MMUT: variants seen among roughly 807,000 people sequenced by gnomAD.
The protein encoded by MMUT is methylmalonyl-CoA mutase.
MMUT carries 79 observed loss-of-function variants against 79.9 expected under a neutral mutation model. The ratio of observed to expected loss-of-function variants is 0.99; its 90% CI spans 0.82 to 1.19. The LOEUF is 1.19. Ranked by LOEUF, MMUT falls within the 50% of genes most tolerant of loss-of-function variation. The probability of loss-of-function intolerance (pLI) is 0.00; values close to 1 mark genes in which losing one functional copy is unlikely to be tolerated. For missense variants in MMUT, 860 were observed against 917.2 expected (o/e 0.94, Z 0.81); for synonymous variants, 273 against 295.7 (o/e 0.92, Z 0.79).
chr6:49,448,645 T>C (rs899825221), intron 7 of MMUT, among the ~76,000 whole-genome samples, 171 bp downstream of exon 7: 1 of 152,162 alleles, frequency 6.6e-6, no homozygotes, highest in Non-Finnish European at 1.5e-5. Flanking sequence ...CCTGTGTGCA[T>C]CCATGTATGT....
In MMUT at chr6:49,440,226, C is replaced by T; in HGVS notation, c.1936G>A (p.Asp646Asn). ...TGFADLGFDV[D>N]IGPLFQTPRE... ...AGTACCTGGAAAAGAGGGCCTATGT[C>T]CACATCAAAACCAAGATCAGCAAAT... Residue 646 changes from aspartate to asparagine, a missense_variant, in exon 11 of 13, where the codon GAC (aspartate) becomes AAC (asparagine). By Grantham distance (23) the Asp-to-Asn change is conservative (BLOSUM62 1). Coordinates refer to ENST00000274813, the MANE Select transcript of MMUT (RefSeq NM_000255.4). 1 of 1,614,042 alleles carries T rather than the reference C, an allele frequency of 6.2e-7. No homozygotes were observed. Among genetic ancestry groups the T allele is most frequent in the Non-Finnish European group, 8.5e-7 (1 of 1,179,950 alleles).
At position 49,463,247 on chromosome 6, in the gene MMUT, C is replaced by T. The variant is rs1424542108; in HGVS notation, c.-184G>A. 1 of 152,518 alleles carries T rather than the reference C, an allele frequency of 6.6e-6. No individual in the cohort carries two copies. The highest frequency in any genetic ancestry group is 1.5e-5 in the Non-Finnish European group (1 of 68,194). The allele number at this position is 152,518 out of a possible 1,614,324, so 9.4% of individuals were successfully genotyped here. A position where few individuals can be genotyped will look rare whatever the true frequency, so the allele number is the denominator to read the frequency against. On this transcript the variant is annotated 5_prime_UTR_variant, in exon 1 of 13. Transcript: ENST00000274813. ...CGCGCCACCGCCAGCGTCAGCCGGACGACTCTGGGGGCGTAGGCCGACACC... is the reference window on the plus strand; with the variant it reads ...CGCGCCACCGCCAGCGTCAGCCGGATGACTCTGGGGGCGTAGGCCGACACC...
chr6:49,461,111 CA>C (rs1362056155), intron 1 of MMUT, among the ~76,000 whole-genome samples: 3 of 152,058 alleles, frequency 2.0e-5, no homozygotes, highest in Admixed American at 6.5e-5. Flanking sequence ...ATGTAGTTAT[CA>C]AAATATGTTT....
chr6:49,440,371 A>G lies in MMUT; in HGVS notation c.1809-18T>C. 1 of 1,612,160 alleles carries G rather than the reference A, an allele frequency of 6.2e-7. No individual in the cohort carries two copies. ...TATGAACCCTGAAAAACATTTAAAAATATATCAGTAGTTAGATACTAATTT... is the reference window on the plus strand; with the variant it reads ...TATGAACCCTGAAAAACATTTAAAAGTATATCAGTAGTTAGATACTAATTT... On this transcript the variant is annotated intron_variant, in intron 10 of 12. Coordinates refer to ENST00000274813, the MANE Select transcript of MMUT (RefSeq NM_000255.4).
intron 6 of MMUT, among the ~76,000 whole-genome samples, chr6:49,450,199 C>T (rs1218181400): frequency 1.3e-5 from 2 of 149,850 alleles, no homozygotes; most frequent in Admixed American, 1.3e-4. Context: ...CCACTGCACT[C>T]CAGCCTGGTG....
chr6:49,440,121 CAATG>C, intron 11 of MMUT, 81 bp downstream of exon 11: 3 of 1,536,790 alleles, frequency 2.0e-6, no homozygotes, highest in Non-Finnish European at 2.7e-6. Context: ...TTAATTTGCT[CAATG>C]TCTGTCATCA....
rs1484140899 is a variant in MMUT at position 49,457,941 on chromosome 6, T to C, written c.503A>G (p.Glu168Gly). 2 of 1,612,806 alleles carry C rather than the reference T, an allele frequency of 1.2e-6. No individual in the cohort carries two copies. Among genetic ancestry groups the C allele is most frequent in the Admixed American group, 3.3e-5 (2 of 60,006 alleles). The change falls in exon 3 of 13, where the codon GAA becomes GGA. Residue 168 changes from glutamate (E) to glycine (G), a missense_variant. Coordinates refer to ENST00000274813, the MANE Select transcript of MMUT (RefSeq NM_000255.4). ...GMAGVAIDTV[E>G]DTKILFDGIP... The stretch of plus-strand genomic sequence containing the variant: ...TCCATCAAAAAGAATTTTGGTATCT[T>C]CCACAGTGTCAATAGCAACTCCAGC...
At chr6:49,437,969 TTATAG>T (rs1351011235) in intron 11 of MMUT, among the ~76,000 whole-genome samples, 2 of 152,094 alleles carry the variant, frequency 1.3e-5, no homozygotes, top group Non-Finnish European at 2.9e-5. Context: ...TATACTATAG[TTATAG>T]TATAGTATAA....
At position 49,453,043 on chromosome 6, in the gene MMUT, T is replaced by G. The variant is rs565710323; in HGVS notation, c.1083+542A>C. On this transcript the variant is annotated intron_variant, in intron 5 of 12. Coordinates refer to ENST00000274813, the MANE Select transcript of MMUT (RefSeq NM_000255.4). ...TTCTGTTTTCTTTCTTTCTTTGTTT[T>G]TTTTTTTTTTTTTTTTAGACGTAGT... 3.0e-3 allele frequency among the ~76,000 whole-genome samples: 412 copies of G among 136,246 alleles called. 1 individual carries two copies. Among genetic ancestry groups the G allele is most frequent in the African/African-American group, 6.9e-3 (263 of 38,076 alleles). 89.4% of individuals were successfully genotyped at this position (136,246 alleles called of 152,430 possible).
intron 1 of MMUT, among the ~76,000 whole-genome samples, chr6:49,461,810 C>A (rs532842346): frequency 6.6e-6 from 1 of 152,182 alleles, no homozygotes; most frequent in African/African-American, 2.4e-5. Context: ...AATACTAGCA[C>A]GATTTTTATT....
At position 49,456,153 on chromosome 6, in the gene MMUT, T is replaced by C. The variant is rs1052032417; in HGVS notation, c.838A>G (p.Thr280Ala). 3 of 1,611,730 alleles carry C rather than the reference T, an allele frequency of 1.9e-6. No individual in the cohort carries two copies. The highest frequency in any genetic ancestry group is 2.5e-6 in the Non-Finnish European group (3 of 1,177,882). The change falls in exon 4 of 13, where the codon ACT (threonine) becomes GCT (alanine). Residue 280 changes from threonine to alanine, a missense_variant. Transcript: ENST00000274813. ...GADAILELAY[T>A]LADGLEYSRT... ...GAGTACTCCAATCCATCTGCTAAAG[T>C]ATAGGCCAGCTCCAGAATGGCATCA...
intron 1 of MMUT, among the ~76,000 whole-genome samples, chr6:49,461,338 A>T (rs1312921571): frequency 6.6e-6 from 1 of 152,210 alleles, no homozygotes; most frequent in African/African-American, 2.4e-5. Flanking sequence ...TAAAAAGTTA[A>T]AAATGTGTTA....
At chr6:49,431,943 A>G (rs1282530864) in intron 12 of MMUT, 87 bp from the exon 13 acceptor site, 2 of 1,481,928 alleles carry the variant, frequency 1.3e-6, no homozygotes, top group Non-Finnish European at 1.9e-6. Context: ...TTGTCACTCA[A>G]TTACCCAAAA....
chr6:49,452,369 G>T (rs1767575959), intron 5 of MMUT, among the ~76,000 whole-genome samples: 1 of 151,992 alleles, frequency 6.6e-6, no homozygotes, highest in African/African-American at 2.4e-5. Context: ...GTCTCGCTCT[G>T]TTGCCCAGGC....
Position 49,459,218 on chromosome 6 carries a change from T to G in MMUT, c.249A>C (p.Glu83Asp), listed in dbSNP as rs1767772916. Residue 83 changes from glutamate (E) to aspartate (D), a missense_variant, in exon 2 of 13, where the codon GAA becomes GAC. Glu to Asp is a conservative substitution (Grantham distance 45). Coordinates refer to ENST00000274813, the MANE Select transcript of MMUT (RefSeq NM_000255.4). ...TGAATGGCTTCACTCCTGGAAGTTC[T>G]TCAGGTAAGTCCATAGTATCTCTCT... ...YSKRDTMDLP[E>D]ELPGVKPFTR... 6.2e-7 allele frequency: 1 copy of G among 1,614,224 alleles called. No individual in the cohort carries two copies. The highest frequency in any genetic ancestry group is 8.5e-7 in the Non-Finnish European group (1 of 1,180,038).
At chr6:49,449,212 A>T (rs900368834) in intron 6 of MMUT, among the ~76,000 whole-genome samples, 1 of 152,114 alleles carries the variant, frequency 6.6e-6, no homozygotes, top group Non-Finnish European at 1.5e-5. Context: ...CTTTATTTTT[A>T]GGTACATAAA....
rs1349946640 is a variant in MMUT, at chr6:49,435,517, T to A, written c.2063A>T (p.Glu688Val). 1.2e-6 allele frequency: 2 copies of A among 1,614,144 alleles called. No individual in the cohort carries two copies. The highest frequency in any genetic ancestry group is 3.3e-5 in the Admixed American group (2 of 59,992). The change falls in exon 12 of 13, where the codon GAA becomes GTA. Residue 688 changes from glutamate (E) to valine (V), a missense_variant. Glu to Val is a moderately radical substitution (Grantham distance 121). Coordinates refer to ENST00000274813, the MANE Select transcript of MMUT (RefSeq NM_000255.4). Reference sequence around the variant, plus strand: ...ATCTGGCCGTCCAAGGGAGTTAAGTTCTTTGATGAGTTCAGGAACTAGGGT... The same window carrying A: ...ATCTGGCCGTCCAAGGGAGTTAAGTACTTTGATGAGTTCAGGAACTAGGGT... ...HKTLVPELIKELNSLGRPDIL... is the reference protein window; with the variant it reads ...HKTLVPELIKVLNSLGRPDIL...
At chr6:49,440,150 C>T (rs1414425558) in intron 11 of MMUT, 56 bp downstream of exon 11, 1 of 1,586,702 alleles carries the variant, frequency 6.3e-7, no homozygotes, top group African/African-American at 1.3e-5. Context: ...ACTACATTTT[C>T]TAAATGTAAG....
intron 10 of MMUT, among the ~76,000 whole-genome samples, chr6:49,440,574 G>C (rs1488795684): frequency 2.0e-5 from 3 of 151,876 alleles, no homozygotes; most frequent in Non-Finnish European, 2.9e-5. Context: ...GTAAACAGCT[G>C]CATAGATCAC....
Sources: allele counts gnomAD v4.1 joint callset (sites outside exome capture counted in the v4.1 genomes callset), GRCh38; gene constraint gnomAD v4.1.1; transcripts MANE v1.5; gene names NCBI Gene and HGNC (gene_info 2026-07-23, HGNC 2026-07-21).